The following ANKS3 variants were observed in gnomAD, a reference collection of about 807,000 sequenced individuals.
The protein encoded by ANKS3 is ankyrin repeat and SAM domain-containing protein 3.
A neutral mutation model predicts 80.7 loss-of-function variants in ANKS3; 62 were observed. The ratio of observed to expected loss-of-function variants is 0.77; its 90% CI spans 0.63 to 0.95. The LOEUF (loss-of-function observed/expected upper bound fraction) is 0.95, where lower values mean the gene tolerates loss of function less well. Among genes scored for constraint, ANKS3 ranks in the 40% least tolerant of loss-of-function variants. The pLI is 0.00. For synonymous variants in ANKS3, 489 were observed against 355.3 expected (o/e 1.38, Z -4.23); for missense variants, 1,150 against 883.6 (o/e 1.30, Z -3.82).
intron 7 of ANKS3, among the ~76,000 whole-genome samples, chr16:4,712,862 G>C (rs1360907786): frequency 6.6e-6 from 1 of 152,156 alleles, no homozygotes; most frequent in Non-Finnish European, 1.5e-5. Flanking sequence ...GCAGGAAGCA[G>C]TGTATCCATC....
chr16:4,704,609 C>G (rs951790406), intron 8 of ANKS3, among the ~76,000 whole-genome samples: 1 of 152,184 alleles, frequency 6.6e-6, no homozygotes, highest in African/African-American at 2.4e-5. Flanking sequence ...ACCAGCAAGT[C>G]AACAAGCGGG....
At chr16:4,702,282 A>G in intron 8 of ANKS3, 40 bp from the exon 9 acceptor site, 2 of 1,439,366 alleles carry the variant, frequency 1.4e-6, no homozygotes, top group South Asian at 1.5e-5. Flanking sequence ...GGGAACTCCA[A>G]AGTGAAACCT....
intron 6 of ANKS3, among the ~76,000 whole-genome samples, chr16:4,718,055 A>G (rs945385287): frequency 1.0e-4 from 15 of 150,422 alleles, no homozygotes; most frequent in Admixed American, 8.6e-4. Context: ...GATTACAGGC[A>G]TGAGCCACCA....
At position 4,698,778 on chromosome 16, in the gene ANKS3, C is replaced by CA. The variant is rs754467471; in HGVS notation, c.1551+21dup. 67 of 1,585,528 alleles carry CA rather than the reference C, an allele frequency of 4.2e-5. No homozygotes were observed. The Middle Eastern group carries it at 7.2e-4, about 17-fold the overall frequency. On this transcript the variant is annotated intron_variant, in intron 13 of 17. Transcript: ENST00000304283. ...ACTCACGGGTGTCACCCTGCCCCCC[C>CA]ATCCCCCACCCAGCCACTCACCTTG...
At position 4,698,613 on chromosome 16, in the gene ANKS3, G is replaced by GGGGGCGC; in HGVS notation, c.1552-21_1552-15dup. 6.5e-7 allele frequency: 1 copy of GGGGGCGC among 1,543,136 alleles called. No homozygotes were observed. The highest frequency in any genetic ancestry group is 8.7e-7 in the Non-Finnish European group (1 of 1,151,252). On this transcript the variant is annotated splice_polypyrimidine_tract_variant and intron_variant, in intron 13 of 17. Coordinates refer to ENST00000304283, the MANE Select transcript of ANKS3 (RefSeq NM_133450.4). ...CTCCTCGCAGCGCTGCAGGGGGGTG[G>GGGGGCGC]GGGGCGCGGGGAGGCTGGGAGGTGG...
At chr16:4,720,303 A>C (rs2081023500) in intron 6 of ANKS3, among the ~76,000 whole-genome samples, 1 of 150,316 alleles carries the variant, frequency 6.7e-6, no homozygotes, top group African/African-American at 2.4e-5. Flanking sequence ...CTCTACTAAA[A>C]ATACAAAAAT....
chr16:4,715,770 T>C (rs952723122), intron 6 of ANKS3, among the ~76,000 whole-genome samples: 1 of 152,128 alleles, frequency 6.6e-6, no homozygotes, highest in Non-Finnish European at 1.5e-5. Context: ...CAATCTTCTA[T>C]GTTTTTAAAA....
intron 7 of ANKS3, among the ~76,000 whole-genome samples, chr16:4,706,089 G>A (rs1373483873): frequency 6.6e-6 from 1 of 151,600 alleles, no homozygotes; most frequent in Non-Finnish European, 1.5e-5. Flanking sequence ...GTAGAGATGG[G>A]GTTTCATCAT....
rs139700256 is a variant in ANKS3, at chr16:4,707,416, G to C, written c.710-2163C>G. ...CCTGCCTCAGCCTCCCGAGTAGCTG[G>C]GATTGTAAGTATGTGCCACCATGCC... On this transcript the variant is annotated intron_variant, in intron 7 of 17. Transcript: ENST00000304283. 1.3e-3 allele frequency among the ~76,000 whole-genome samples: 192 copies of C among 151,958 alleles called. 1 individual carries two copies. Among genetic ancestry groups the C allele is most frequent in the African/African-American group, 4.2e-3 (174 of 41,446 alleles).
Position 4,730,143 on chromosome 16 carries a change from C to T in ANKS3, c.7G>A (p.Glu3Lys), listed in dbSNP as rs754447725. The change falls in exon 3 of 18, where the codon GAG (glutamate) becomes AAG (lysine). Residue 3 changes from glutamate to lysine, a missense_variant. Physicochemically the swap from Glu to Lys is moderately conservative, Grantham distance 56 (BLOSUM62 1). Coordinates refer to ENST00000304283, the MANE Select transcript of ANKS3 (RefSeq NM_133450.4). Reference sequence around the variant, plus strand: ...GGCTCGCTGGCTTCATCGCTGAGCTCGGACATCACTGAGGAGGAAGGCCCA... The same window carrying T: ...GGCTCGCTGGCTTCATCGCTGAGCTTGGACATCACTGAGGAGGAAGGCCCA... The part of the protein sequence containing the change: MS[E>K]LSDEASEPEL... The T allele has an allele frequency of 8.4e-6, 13 of 1,554,338 alleles. No individual in the cohort carries two copies. The highest frequency in any genetic ancestry group is 1.2e-5 in the South Asian group (1 of 83,428).
chr16:4,714,269 G>A lies in ANKS3; in HGVS notation c.574-83C>T, dbSNP rs1042839594. ...TGGGCTGCTGGCTGGGAAGACAGAA[G>A]GGCATATGCTGGTTTCTGACTGCCT... is the stretch of plus-strand genomic sequence containing the variant. On this transcript the variant is annotated intron_variant, in intron 6 of 17. Transcript: ENST00000304283. 21 of 1,556,034 alleles carry A rather than the reference G, an allele frequency of 1.3e-5. No individual in the cohort carries two copies. In the Admixed American group the frequency reaches 3.7e-4, roughly 28 times the overall value.
At chr16:4,717,802 C>CTT (rs770117557) in intron 6 of ANKS3, among the ~76,000 whole-genome samples, 1 of 146,596 alleles carries the variant, frequency 6.8e-6, no homozygotes, top group Non-Finnish European at 1.5e-5. Flanking sequence ...CCACAACTGG[C>CTT]TTTTTTTTTT....
intron 7 of ANKS3, among the ~76,000 whole-genome samples, chr16:4,708,998 G>T (rs1218814017): frequency 6.6e-6 from 1 of 152,046 alleles, no homozygotes; most frequent in Non-Finnish European, 1.5e-5. Flanking sequence ...GGGCGCAGTG[G>T]CTCATGCCTA....
chr16:4,707,756 G>A (rs1187228433), intron 7 of ANKS3, among the ~76,000 whole-genome samples: 3 of 152,180 alleles, frequency 2.0e-5, no homozygotes, highest in Admixed American at 2.0e-4. Flanking sequence ...TCACAGATAT[G>A]CTAAACTGTA....
intron 5 of ANKS3, 156 bp from the exon 6 acceptor site, chr16:4,724,987 G>C (rs983288355): frequency 1.6e-6 from 1 of 610,406 alleles, no homozygotes; most frequent in Non-Finnish European, 2.9e-6. Flanking sequence ...CATGAGAACA[G>C]TGAATATAAC....
intron 13 of ANKS3, 41 bp downstream of exon 13, chr16:4,698,758 CG>C: frequency 6.4e-7 from 1 of 1,565,254 alleles, no homozygotes; most frequent in African/African-American, 1.3e-5. Flanking sequence ...AGCCAACTCA[CG>C]GGTGTCACCC....
chr16:4,721,621 T>TATTGATTG (rs368359567), intron 6 of ANKS3, among the ~76,000 whole-genome samples: 1 of 96,976 alleles, frequency 1.0e-5, no homozygotes, highest in Non-Finnish European at 2.3e-5. Context: ...TTTATTGATT[T>TATTGATTG]ATTGATTTAT....
intron 11 of ANKS3, 81 bp downstream of exon 11, chr16:4,700,889 G>A (rs751334452): frequency 2.8e-5 from 43 of 1,555,520 alleles, no homozygotes; most frequent in Admixed American, 2.2e-4. Flanking sequence ...CGCCTGGCAC[G>A]TCATATACAC....
At chr16:4,730,678 C>T (rs2081569253) in intron 2 of ANKS3, among the ~76,000 whole-genome samples, 1 of 152,042 alleles carries the variant, frequency 6.6e-6, no homozygotes, top group South Asian at 2.1e-4. Context: ...ACCAGCCTGG[C>T]CAACATGGTG....
Sources: allele counts gnomAD v4.1 joint callset (sites outside exome capture counted in the v4.1 genomes callset), GRCh38; gene constraint gnomAD v4.1.1; transcripts MANE v1.5; gene names NCBI Gene and HGNC (gene_info 2026-07-23, HGNC 2026-07-21).